GRM3: variants seen among roughly 807,000 people sequenced by gnomAD.
GRM3 encodes the protein metabotropic glutamate receptor 3.
A neutral mutation model predicts 70.5 loss-of-function variants in GRM3; 26 were observed. The ratio of observed to expected loss-of-function variants is 0.37; its 90% CI spans 0.27 to 0.51. The LOEUF is 0.51. GRM3 is among the 20% of genes least tolerant of loss of function. The probability of loss-of-function intolerance (pLI) is 0.93; values close to 1 mark genes in which losing one functional copy is unlikely to be tolerated. For missense variants in GRM3, 859 were observed against 1,123.8 expected (o/e 0.76, Z 3.37); for synonymous variants, 443 against 434.9 (o/e 1.02, Z -0.23).
chr7:86,794,749 C>T (rs149255051), intron 3 of GRM3, among the ~76,000 whole-genome samples: 41 of 152,236 alleles, frequency 2.7e-4, no homozygotes, highest in African/African-American at 9.4e-4. Context: ...TGTACCTACA[C>T]TCCAAACTAT....
chr7:86,776,595 G>A (rs1428595530), intron 2 of GRM3, among the ~76,000 whole-genome samples: 1 of 152,028 alleles, frequency 6.6e-6, no homozygotes, highest in East Asian at 1.9e-4. Context: ...TTGTCCTTTG[G>A]TTAACAACTG....
chr7:86,680,321 CA>C (rs1466785867), intron 1 of GRM3, among the ~76,000 whole-genome samples: 2 of 152,084 alleles, frequency 1.3e-5, no homozygotes, highest in Non-Finnish European at 2.9e-5. Flanking sequence ...ACAATATTTC[CA>C]AAAGGATTAA....
intron 1 of GRM3, among the ~76,000 whole-genome samples, chr7:86,754,307 C>G (rs1211070116): frequency 1.3e-5 from 2 of 152,026 alleles, no homozygotes; most frequent in Non-Finnish European, 2.9e-5. Flanking sequence ...AATGTTTTAA[C>G]CCTGTGTTTT....
chr7:86,793,112 A>G (rs1263882277), intron 3 of GRM3, among the ~76,000 whole-genome samples: 1 of 133,912 alleles, frequency 7.5e-6, no homozygotes, highest in African/African-American at 2.9e-5. Flanking sequence ...CCTTCTTCTT[A>G]TGTTTACAAT....
intron 3 of GRM3, among the ~76,000 whole-genome samples, chr7:86,798,529 G>T (rs1329522175): frequency 6.6e-6 from 1 of 152,166 alleles, no homozygotes; most frequent in Non-Finnish European, 1.5e-5. Flanking sequence ...TATAACAAAT[G>T]CCTGTACCCC....
intron 3 of GRM3, among the ~76,000 whole-genome samples, chr7:86,804,626 G>A (rs994296737): frequency 6.6e-6 from 1 of 152,122 alleles, no homozygotes; most frequent in African/African-American, 2.4e-5. Flanking sequence ...GGCCAGGCTG[G>A]TCTCGAACTC....
chr7:86,786,502 G>C lies in GRM3; in HGVS notation c.710G>C (p.Arg237Pro), dbSNP rs765292875. The C allele has an allele frequency of 6.2e-7, 1 of 1,614,194 alleles. No homozygotes were observed. The highest frequency in any genetic ancestry group is 8.5e-7 in the Non-Finnish European group (1 of 1,180,048). Residue 237 changes from arginine to proline, a missense_variant, in exon 3 of 6, where the codon CGC (arginine) becomes CCC (proline). Coordinates refer to ENST00000361669, the MANE Select transcript of GRM3 (RefSeq NM_000840.3). The surrounding 1 kb of genome is among the most constrained non-coding windows in gnomAD (Gnocchi z 6.0). ...GCCTTCGAGCAGGAAGCCCGCCTGCGCAACATCTGCATCGCTACGGCGGAG... is the reference window on the plus strand; with the variant it reads ...GCCTTCGAGCAGGAAGCCCGCCTGCCCAACATCTGCATCGCTACGGCGGAG... Reference protein sequence around the residue: ...IEAFEQEARLRNICIATAEKV... With the variant: ...IEAFEQEARLPNICIATAEKV...
At chr7:86,740,739 T>G (rs946221900) in intron 1 of GRM3, among the ~76,000 whole-genome samples, 2 of 145,656 alleles carry the variant, frequency 1.4e-5, no homozygotes, top group African/African-American at 5.3e-5. Flanking sequence ...AGCTGATAAC[T>G]TGAAGACTAA....
chr7:86,658,693 T>C (rs1793811915), intron 1 of GRM3, among the ~76,000 whole-genome samples: 1 of 152,186 alleles, frequency 6.6e-6, no homozygotes, highest in East Asian at 1.9e-4. Flanking sequence ...TTTTATGGGG[T>C]AAATTGAACA....
chr7:86,692,190 T>G (rs1311735713), intron 1 of GRM3, among the ~76,000 whole-genome samples: 1 of 152,204 alleles, frequency 6.6e-6, no homozygotes, highest in Non-Finnish European at 1.5e-5. Flanking sequence ...TAGCCATACT[T>G]TGGGCTTGTT....
intron 3 of GRM3, among the ~76,000 whole-genome samples, chr7:86,830,400 C>T (rs888382332): frequency 3.3e-5 from 5 of 152,190 alleles, no homozygotes; most frequent in Non-Finnish European, 7.3e-5. Flanking sequence ...TGCCCTATAA[C>T]CTCCCAAATC....
intron 3 of GRM3, among the ~76,000 whole-genome samples, chr7:86,828,111 C>CAAA (rs55645713): frequency 8.8e-5 from 6 of 68,294 alleles, no homozygotes; most frequent in Admixed American, 2.1e-4. Context: ...AACTCCGTAT[C>CAAA]AAAAAAAAAA....
intron 1 of GRM3, among the ~76,000 whole-genome samples, chr7:86,652,025 G>A (rs887316576): frequency 1.3e-5 from 2 of 152,176 alleles, no homozygotes; most frequent in African/African-American, 4.8e-5. Flanking sequence ...TACCAGTTTA[G>A]TAGGGAGTAG....
chr7:86,741,273 T>C (rs1330700610), intron 1 of GRM3, among the ~76,000 whole-genome samples: 1 of 152,162 alleles, frequency 6.6e-6, no homozygotes, highest in African/African-American at 2.4e-5. Context: ...ATACACGGTA[T>C]TCCAGTGGCG....
At chr7:86,813,152 A>G (rs2116661572) in intron 3 of GRM3, among the ~76,000 whole-genome samples, 1 of 151,912 alleles carries the variant, frequency 6.6e-6, no homozygotes, top group African/African-American at 2.4e-5. Flanking sequence ...TTCAAGTAAT[A>G]AAATCTATAC....
chr7:86,760,046 G>T (rs555155494), intron 1 of GRM3, among the ~76,000 whole-genome samples: 10 of 152,178 alleles, frequency 6.6e-5, no homozygotes, highest in African/African-American at 2.4e-4. Flanking sequence ...CCCTAACTTT[G>T]TTCCAGATTG....
intron 1 of GRM3, among the ~76,000 whole-genome samples, chr7:86,685,334 T>A (rs1331444548): frequency 6.6e-6 from 1 of 152,134 alleles, no homozygotes; most frequent in Non-Finnish European, 1.5e-5. Flanking sequence ...CCAGTAAAAC[T>A]TACAGATTGG....
chr7:86,772,462 A>T (rs1796770471), intron 2 of GRM3, among the ~76,000 whole-genome samples: 1 of 152,078 alleles, frequency 6.6e-6, no homozygotes, highest in African/African-American at 2.4e-5. Context: ...CCTCACTCCC[A>T]TTCTTTACAC....
At chr7:86,809,755 C>T (rs1272041985) in intron 3 of GRM3, among the ~76,000 whole-genome samples, 4 of 151,918 alleles carry the variant, frequency 2.6e-5, no homozygotes, top group African/African-American at 4.8e-5. Flanking sequence ...GAAAGGCAAG[C>T]GTGTATTTTG....
Sources: gnomAD v4.1 joint callset for allele counts (sites outside exome capture counted in the v4.1 genomes callset) on GRCh38, gnomAD v4.1.1 for gene constraint, Gnocchi (gnomAD v3.1) non-coding constraint, MANE v1.5 for transcripts, NCBI Gene and HGNC (gene_info 2026-07-23, HGNC 2026-07-21) for gene names.